Variants in FAT1 observed in about 807,000 individuals in gnomAD.
The protein encoded by FAT1 is protocadherin Fat 1.
FAT1 carries 171 observed loss-of-function variants against 329.8 expected under a neutral mutation model. The observed-to-expected ratio is 0.52, with a 90% CI of 0.46 to 0.59. The LOEUF (loss-of-function observed/expected upper bound fraction) is 0.59, where lower values mean the gene tolerates loss of function less well. Ranked by LOEUF, FAT1 falls within the 20% of genes least tolerant of loss-of-function variation. The pLI is 0.00. For synonymous variants in FAT1, 2,233 were observed against 2,228.6 expected (o/e 1.00, Z -0.06); for missense variants, 5,672 against 5,774.4 (o/e 0.98, Z 0.57).
In FAT1 at chr4:186,619,045, A is replaced by G. The variant is rs1201207219; in HGVS notation, c.7541T>C (p.Val2514Ala). Residue 2514 changes from valine to alanine, a missense_variant, in exon 10 of 27, where the codon GTG becomes GCG. Physicochemically the swap from Val to Ala is moderately conservative, Grantham distance 64. This residue lies in a region of FAT1 where 3,966 missense variants were observed against 3,915.2 expected (regional missense o/e 1.01). Coordinates refer to ENST00000441802, the MANE Select transcript of FAT1 (RefSeq NM_005245.4). ...ACCAGAATCCCCATCCGTAGTTTTC[A>G]CCTCCATCACCAGGGTATGTAGGGG... is the stretch of plus-strand genomic sequence containing the variant. ...NAPLHTLVME[V>A]KTTDGDSGIY... 1.2e-6 allele frequency: 2 copies of G among 1,613,894 alleles called. No individual in the cohort carries two copies. The highest frequency in any genetic ancestry group is 1.7e-6 in the Non-Finnish European group (2 of 1,179,884).
At chr4:186,716,215 A>G (rs892509586) in intron 1 of FAT1, among the ~76,000 whole-genome samples, 20 of 152,158 alleles carry the variant, frequency 1.3e-4, no homozygotes, top group African/African-American at 4.6e-4. Context: ...GGAACAGGAC[A>G]TTATTAAACT....
At chr4:186,726,149 T>C (rs540363464), upstream of FAT1, among the ~76,000 whole-genome samples, 2 of 152,368 alleles carry the variant, frequency 1.3e-5, no homozygotes, top group East Asian at 1.9e-4. Context: ...GCTCTATATG[T>C]ATTTTATGAA....
intron 3 of FAT1, among the ~76,000 whole-genome samples, chr4:186,658,723 C>T (rs1312866989): frequency 6.6e-6 from 1 of 152,198 alleles, no homozygotes; most frequent in Non-Finnish European, 1.5e-5. Context: ...CCTACCTCCT[C>T]TCCATCAATC....
chr4:186,616,081 G>A (rs889129576), intron 11 of FAT1, among the ~76,000 whole-genome samples: 2 of 151,968 alleles, frequency 1.3e-5, no homozygotes, highest in African/African-American at 2.4e-5. Flanking sequence ...TTCCTCGGTG[G>A]TGGCTTTGGT....
chr4:186,655,528 G>C (rs1406548148), intron 3 of FAT1, among the ~76,000 whole-genome samples: 1 of 151,780 alleles, frequency 6.6e-6, no homozygotes, highest in Non-Finnish European at 1.5e-5. Context: ...TCTGCCTCCT[G>C]GGTTCAAGCT....
chr4:186,654,498 G>A (rs188764082), intron 3 of FAT1, among the ~76,000 whole-genome samples: 3 of 152,140 alleles, frequency 2.0e-5, no homozygotes, highest in Non-Finnish European at 4.4e-5. Context: ...CTCTCCAAGG[G>A]AACAGGCATG....
intron 2 of FAT1, among the ~76,000 whole-genome samples, chr4:186,696,037 C>T (rs995163545): frequency 3.9e-5 from 6 of 152,196 alleles, no homozygotes; most frequent in Admixed American, 6.5e-5. Context: ...ATGATCCGCC[C>T]GCCTTCACCT....
chr4:186,643,706 T>G (rs1438342881), intron 3 of FAT1, among the ~76,000 whole-genome samples: 2 of 152,112 alleles, frequency 1.3e-5, no homozygotes, highest in Admixed American at 6.5e-5. Flanking sequence ...CCCCCTGCAC[T>G]CTGGCCATAC....
intron 7 of FAT1, among the ~76,000 whole-genome samples, chr4:186,630,171 T>C (rs1740521097): frequency 6.6e-6 from 1 of 152,232 alleles, no homozygotes; most frequent in African/African-American, 2.4e-5. Context: ...GGCAATGTTC[T>C]GCACATGCAC....
At position 186,707,880 on chromosome 4, in the gene FAT1, C is replaced by T. The variant is rs777588909; in HGVS notation, c.1948G>A (p.Gly650Arg). ...FHSLRITATD[G>R]ENFATPLYIN... ...TATAATGGTGTGGCAAAATTTTCTC[C>T]ATCTGTAGCTGTGATTCTCAGACTG... Residue 650 changes from glycine (G) to arginine (R), a missense_variant, in exon 2 of 27, where the codon GGA becomes AGA. Around this residue, in one of 2 missense-constraint regions of FAT1, gnomAD observed 3,966 missense variants for 3,915.2 expected, o/e 1.01. Transcript: ENST00000441802. 1.6e-5 allele frequency: 26 copies of T among 1,613,804 alleles called. No homozygotes were observed. Among genetic ancestry groups the T allele is most frequent in the Non-Finnish European group, 2.0e-5 (24 of 1,179,906 alleles).
At chr4:186,597,326 C>A in intron 24 of FAT1, 155 bp from the exon 25 acceptor site, 2 of 803,714 alleles carry the variant, frequency 2.5e-6, no homozygotes, top group South Asian at 4.1e-5. Flanking sequence ...ACGTCGACAA[C>A]CACGAGAAAA....
At chr4:186,697,029 A>C (rs943697349) in intron 2 of FAT1, among the ~76,000 whole-genome samples, 5 of 152,156 alleles carry the variant, frequency 3.3e-5, no homozygotes, top group African/African-American at 1.2e-4. Context: ...ACTCTGTCTT[A>C]GAAAATAATT....
At chr4:186,602,525 C>T (rs1359077526) in intron 20 of FAT1, among the ~76,000 whole-genome samples, 1 of 152,144 alleles carries the variant, frequency 6.6e-6, no homozygotes, top group Non-Finnish European at 1.5e-5. Context: ...AAGGTACTGG[C>T]TCGGAACCAT....
chr4:186,621,709 T>A lies in FAT1; in HGVS notation c.4877A>T (p.Asp1626Val), dbSNP rs2126527864. 1.9e-6 allele frequency: 3 copies of A among 1,613,260 alleles called. No homozygotes were observed. The highest frequency in any genetic ancestry group is 2.5e-6 in the Non-Finnish European group (3 of 1,179,646). Residue 1626 changes from aspartate to valine, a missense_variant, in exon 10 of 27, where the codon GAT (aspartate) becomes GTT (valine). Physicochemically the swap from Asp to Val is radical, Grantham distance 152. Coordinates refer to ENST00000441802, the MANE Select transcript of FAT1 (RefSeq NM_005245.4). Reference sequence around the variant, plus strand: ...ATCATACTCCGCTTGGTTACTTCGATCTAATTCTTTGGCAGTTTTAATAGA... The same window carrying A: ...ATCATACTCCGCTTGGTTACTTCGAACTAATTCTTTGGCAGTTTTAATAGA... ...LGSIKTAKEL[D>V]RSNQAEYDLM... is the part of the protein sequence containing the mutation.
At position 186,597,919 on chromosome 4, in the gene FAT1, T is replaced by C. The variant is rs890632292; in HGVS notation, c.12257+53A>G. On this transcript the variant is annotated intron_variant, in intron 23 of 26. Transcript: ENST00000441802. Reference sequence around the variant, plus strand: ...GACTTTTTACATGTACCATTATATGTTTAAGAATTTTATACTACAATTGAT... The same window carrying C: ...GACTTTTTACATGTACCATTATATGCTTAAGAATTTTATACTACAATTGAT... 1.6e-5 allele frequency: 26 copies of C among 1,579,978 alleles called. No individual in the cohort carries two copies. The African/African-American group carries it at 3.4e-4, about 21-fold the overall frequency.
Position 186,588,577 on chromosome 4 carries a change from G to GC in FAT1, c.*14_*15insG, listed in dbSNP as rs769323827. 3 of 1,593,080 alleles carry GC rather than the reference G, an allele frequency of 1.9e-6. No homozygotes were observed. Among genetic ancestry groups the GC allele is most frequent in the Non-Finnish European group, 2.6e-6 (3 of 1,172,870 alleles). On this transcript the variant is annotated 3_prime_UTR_variant, in exon 27 of 27. Transcript: ENST00000441802. ...TAGGTTCACTAAAGTCAGGCACTTT[G>GC]GGGGGAGTTGAGAGTCAGACTTCCG...
chr4:186,654,770 T>C (rs1216456632), intron 3 of FAT1, among the ~76,000 whole-genome samples: 1 of 151,704 alleles, frequency 6.6e-6, no homozygotes. Context: ...AACTAGCTGG[T>C]CGTGGTGGTG....
rs1744839858 is a variant in FAT1, at chr4:186,709,474, C to T, written c.354G>A (p.Leu118=). 1.2e-6 allele frequency: 2 copies of T among 1,613,916 alleles called. No individual in the cohort carries two copies. Among genetic ancestry groups the T allele is most frequent in the African/African-American group, 2.7e-5 (2 of 74,998 alleles). ...LNREVKDHYT[L]IVKALEKNTN... ...TATTTTTTTCAAGTGCTTTCACTAT[C>T]AATGTGTAGTGATCCTTCACTTCTC... The change falls in exon 2 of 27, where the codon TTG becomes TTA. Residue 118 remains leucine, a synonymous_variant. Transcript: ENST00000441802.
chr4:186,653,853 G>A (rs1741781092), intron 3 of FAT1, among the ~76,000 whole-genome samples: 1 of 152,118 alleles, frequency 6.6e-6, no homozygotes, highest in Non-Finnish European at 1.5e-5. Context: ...AGCCCCGTGT[G>A]GCCCTTTATA....
Sources: gnomAD v4.1 joint callset for allele counts (sites outside exome capture counted in the v4.1 genomes callset) on GRCh38, gnomAD v4.1.1 for gene constraint, gnomAD v4.1.1 regional missense constraint, MANE v1.5 for transcripts, NCBI Gene and HGNC (gene_info 2026-07-23, HGNC 2026-07-21) for gene names.